The following SYNE1 variants were observed in gnomAD, a reference collection of about 807,000 sequenced individuals.
The protein encoded by SYNE1 is nesprin-1.
In SYNE1, 616 loss-of-function variants were observed where a neutral mutation model predicts 1,111.0. The observed-to-expected ratio is 0.55, with a 90% CI of 0.52 to 0.59. The LOEUF (loss-of-function observed/expected upper bound fraction) is 0.59, where lower values mean the gene tolerates loss of function less well. SYNE1 is among the 20% of genes least tolerant of loss of function. The probability of loss-of-function intolerance (pLI) is 0.00; values close to 1 mark genes in which losing one functional copy is unlikely to be tolerated. For missense variants in SYNE1, 10,006 were observed against 10,417.0 expected (o/e 0.96, Z 1.72); for synonymous variants, 3,855 against 3,825.8 (o/e 1.01, Z -0.28).
intron 45 of SYNE1, 84 bp downstream of exon 45, chr6:152,406,930 A>G (rs988146673): frequency 2.8e-6 from 3 of 1,065,908 alleles, no homozygotes; most frequent in African/African-American, 1.7e-5. Context: ...AGAAGAATAA[A>G]CTTTTAAGAA....
At chr6:152,137,218 G>A (rs2057298955) in intron 140 of SYNE1, among the ~76,000 whole-genome samples, 1 of 152,170 alleles carries the variant, frequency 6.6e-6, no homozygotes, top group Admixed American at 6.5e-5. Context: ...CCAGGGTAGG[G>A]GGTGCAGGGG....
chr6:152,316,716 G>T, intron 87 of SYNE1, 133 bp downstream of exon 87: 1 of 950,534 alleles, frequency 1.1e-6, no homozygotes, highest in South Asian at 1.4e-5. Flanking sequence ...ACAACTTAGG[G>T]GTACCTTAGC....
At chr6:152,309,052 C>T (rs186819701) in intron 90 of SYNE1, among the ~76,000 whole-genome samples, 26 of 152,308 alleles carry the variant, frequency 1.7e-4, no homozygotes, top group Admixed American at 1.3e-3. Flanking sequence ...GGCGCAGTGG[C>T]TCAAGCCTGT....
chr6:152,326,981 T>C (rs2096083698), intron 78 of SYNE1, among the ~76,000 whole-genome samples: 1 of 152,202 alleles, frequency 6.6e-6, no homozygotes, highest in South Asian at 2.1e-4. Context: ...AGTGCAGTAA[T>C]GTCTCCGTTG....
At chr6:152,620,277 C>G (rs1008262324) in intron 3 of SYNE1, among the ~76,000 whole-genome samples, 18 of 110,960 alleles carry the variant, frequency 1.6e-4, no homozygotes, top group African/African-American at 5.7e-4. Flanking sequence ...TCCCCACTTC[C>G]CTCAGTGTTG....
intron 38 of SYNE1, among the ~76,000 whole-genome samples, chr6:152,426,153 C>T (rs1356763951): frequency 2.6e-5 from 4 of 152,098 alleles, no homozygotes; most frequent in African/African-American, 9.7e-5. Flanking sequence ...GTGGCTCCTA[C>T]CTAACAAAAG....
intron 95 of SYNE1, among the ~76,000 whole-genome samples, chr6:152,284,774 T>C (rs1239336175): frequency 6.6e-6 from 1 of 151,984 alleles, no homozygotes; most frequent in African/African-American, 2.4e-5. Context: ...CAATACAACG[T>C]TGAAAATAAA....
At chr6:152,314,195 G>C (rs2095639811) in intron 87 of SYNE1, among the ~76,000 whole-genome samples, 1 of 152,194 alleles carries the variant, frequency 6.6e-6, no homozygotes, top group African/African-American at 2.4e-5. Context: ...CTTGTCCTTT[G>C]CAGGCAGAAT....
At chr6:152,466,101 A>G (rs1284484874) in intron 16 of SYNE1, 23 bp from the exon 17 acceptor site, 1 of 1,470,488 alleles carries the variant, frequency 6.8e-7, no homozygotes, top group East Asian at 2.3e-5. Flanking sequence ...GAATGGTTAG[A>G]AGATAGCAAA....
intron 60 of SYNE1, 154 bp from the exon 61 acceptor site, chr6:152,369,281 T>G: frequency 7.4e-7 from 1 of 1,348,514 alleles, no homozygotes; most frequent in Non-Finnish European, 1.0e-6. Flanking sequence ...GGAGCACAAA[T>G]CATGGAAGGA....
chr6:152,622,729 G>A (rs997398557), intron 3 of SYNE1, among the ~76,000 whole-genome samples: 1 of 152,120 alleles, frequency 6.6e-6, no homozygotes, highest in Non-Finnish European at 1.5e-5. Context: ...ATGAACATAT[G>A]AGTGCATGTT....
Position 152,628,918 on chromosome 6 carries a change from G to T in SYNE1, c.-223-364C>A, listed in dbSNP as rs2057399. On this transcript the variant is annotated intron_variant, in intron 2 of 145. Transcript: ENST00000367255. Reference sequence around the variant, plus strand: ...GTTTTCAATATGCACGGGTTCTCTAGTCTGCTAATTTAGCCTGCTTTGCAC... The same window carrying T: ...GTTTTCAATATGCACGGGTTCTCTATTCTGCTAATTTAGCCTGCTTTGCAC... 1.2e-4 allele frequency among the ~76,000 whole-genome samples: 18 copies of T among 152,162 alleles called. No homozygotes were observed. In the East Asian group the frequency reaches 3.5e-3, roughly 29 times the overall value.
chr6:152,427,790 A>T lies in SYNE1; in HGVS notation c.5003T>A (p.Leu1668Ter), dbSNP rs2098383244. Residue 1668 changes from leucine (L) to a stop codon, truncating the protein, a stop_gained, in exon 38 of 146, where the codon TTG (leucine) becomes TAG (stop). Transcript: ENST00000367255. LOFTEE classifies it high-confidence loss of function. ...AGCTTCACCCCGCTCTAACCAGGTCAAAAAGGATGATAGTTCTTTCTCTAG... is the reference window on the plus strand; with the variant it reads ...AGCTTCACCCCGCTCTAACCAGGTCTAAAAGGATGATAGTTCTTTCTCTAG... ...QRLEKELSSF[L>*]TWLERGEAKA... The T allele has an allele frequency of 1.2e-6, 2 of 1,614,140 alleles. No homozygotes were observed. Among genetic ancestry groups the T allele is most frequent in the East Asian group, 4.5e-5 (2 of 44,862 alleles).
At chr6:152,606,978 C>CTTT (rs71017544) in intron 3 of SYNE1, among the ~76,000 whole-genome samples, 62 of 62,258 alleles carry the variant, frequency 1.0e-3, no homozygotes, top group African/African-American at 1.2e-3. Flanking sequence ...CCTCGGTTCT[C>CTTT]TTTTTTTTTT....
rs758675707 is a variant in SYNE1 at position 152,330,106 on chromosome 6, G to C, written c.14579C>G (p.Ser4860Cys). Residue 4860 changes from serine (S) to cysteine (C), a missense_variant, in exon 78 of 146, where the codon TCC becomes TGC. Around this residue, in one of 7 missense-constraint regions of SYNE1, gnomAD observed 4,955 missense variants for 5,017.2 expected, o/e 0.99. Coordinates refer to ENST00000367255, the MANE Select transcript of SYNE1 (RefSeq NM_182961.4). ...CAACAGTTTTAACTCCCCTTGCCAG[G>C]ACTGGATCTGATGCCTGGCTTTCTC... ...AYEKARHQIQ[S>C]WQGELKLLTS... 6.2e-7 allele frequency: 1 copy of C among 1,614,194 alleles called. No individual in the cohort carries two copies. The highest frequency in any genetic ancestry group is 1.7e-5 in the Admixed American group (1 of 60,022).
chr6:152,363,419 G>A (rs1022867383), intron 63 of SYNE1, among the ~76,000 whole-genome samples: 12 of 150,762 alleles, frequency 8.0e-5, no homozygotes, highest in East Asian at 2.0e-4. Context: ...GCGTGAACCC[G>A]GGAGGCGGAG....
At chr6:152,230,392 C>A (rs553214424) in intron 115 of SYNE1, among the ~76,000 whole-genome samples, 155 bp downstream of exon 115, 4 of 151,870 alleles carry the variant, frequency 2.6e-5, no homozygotes, top group Admixed American at 6.6e-5. Context: ...TTAAAAAAAA[C>A]CCTATAAACT....
chr6:152,300,881 G>A (rs1275805782), intron 92 of SYNE1, 100 bp from the exon 93 acceptor site: 7 of 1,556,880 alleles, frequency 4.5e-6, no homozygotes, highest in East Asian at 2.3e-5. Context: ...ATTATAAAAC[G>A]AAGGTTAAAA....
intron 131 of SYNE1, 121 bp from the exon 132 acceptor site, chr6:152,156,218 T>A (rs1029830840): frequency 4.1e-5 from 43 of 1,036,190 alleles, no homozygotes; most frequent in Non-Finnish European, 6.3e-5. Context: ...TTTCCTTGAA[T>A]GTATGACATT....
Sources: allele counts gnomAD v4.1 joint callset (sites outside exome capture counted in the v4.1 genomes callset), GRCh38; gene constraint gnomAD v4.1.1; regional missense constraint gnomAD v4.1.1; transcripts MANE v1.5; gene names NCBI Gene and HGNC (gene_info 2026-07-23, HGNC 2026-07-21).